The following HERC1 variants were observed in gnomAD, a reference collection of about 807,000 sequenced individuals.
The protein encoded by HERC1 is HECT and RLD domain containing E3 ubiquitin protein ligase family member 1.
HERC1 carries 160 observed loss-of-function variants against 554.3 expected under a neutral mutation model. The observed-to-expected ratio is 0.29, with a 90% confidence interval of 0.25 to 0.33. The LOEUF is 0.33. Among genes scored for constraint, HERC1 ranks in the 10% least tolerant of loss-of-function variants. The pLI is 1.00. For synonymous variants in HERC1, 2,175 were observed against 2,131.7 expected, an observed-to-expected ratio of 1.02 and a Z score of -0.56; for missense variants, 4,919 against 5,918.5, an observed-to-expected ratio of 0.83 and a Z score of 5.54.
At chr15:63,648,968 G>T (rs567924281) in intron 54 of HERC1, among the ~76,000 whole-genome samples, 23 of 152,320 alleles carry the variant, frequency 1.5e-4, no homozygotes, top group South Asian at 1.2e-3. Context: ...ACCACAGTAA[G>T]AAGAAAGCAG....
At chr15:63,687,969 G>T (rs1362686008) in intron 33 of HERC1, among the ~76,000 whole-genome samples, 1 of 152,202 alleles carries the variant, frequency 6.6e-6, no homozygotes, top group African/African-American at 2.4e-5. Context: ...GAAAGGTCAA[G>T]GAACTCTAGA....
chr15:63,674,942 T>C lies in HERC1; in HGVS notation c.7246A>G (p.Lys2416Glu). 4.3e-6 allele frequency: 7 copies of C among 1,614,020 alleles called. No individual in the cohort carries two copies. The highest frequency in any genetic ancestry group is 5.1e-6 in the Non-Finnish European group (6 of 1,179,890). ...MGKQSTKRHE[K>E]KHRHESEEKG... ...TCCTCGGATTCATGTCGGTGTTTCT[T>C]TTCATGTCGTTTGGTGCTCTGTTTG... The change falls in exon 38 of 78, where the codon AAG (lysine) becomes GAG (glutamate). Residue 2416 changes from lysine (K) to glutamate (E), a missense_variant. Coordinates refer to ENST00000443617, the MANE Select transcript of HERC1 (RefSeq NM_003922.4).
At position 63,749,875 on chromosome 15, in the gene HERC1, T is replaced by C; in HGVS notation, c.1903-84A>G. The C allele has an allele frequency of 8.8e-7, 1 of 1,135,832 alleles. No individual in the cohort carries two copies. Among genetic ancestry groups the C allele is most frequent in the Non-Finnish European group, 1.2e-6 (1 of 828,516 alleles). 70.4% of individuals were successfully genotyped at this position (1,135,832 alleles called of 1,614,324 possible). On this transcript the variant is annotated intron_variant, in intron 8 of 77. Coordinates refer to ENST00000443617, the MANE Select transcript of HERC1 (RefSeq NM_003922.4). This position sits in a 1 kb window ranked among gnomAD's most constrained non-coding sequence, Gnocchi z 4.1. ...TAGGGATAAATGAAATCTATGAAAC[T>C]AAAGTGTGGTTTGATAGTAAATAAC...
chr15:63,819,391 T>C (rs1191836774), intron 1 of HERC1, among the ~76,000 whole-genome samples: 1 of 152,222 alleles, frequency 6.6e-6, no homozygotes, highest in Non-Finnish European at 1.5e-5. Flanking sequence ...AAGTATTTTA[T>C]AAACTAAAAA....
intron 2 of HERC1, among the ~76,000 whole-genome samples, chr15:63,769,834 C>T (rs1487819888): frequency 6.6e-6 from 1 of 152,128 alleles, no homozygotes; most frequent in African/African-American, 2.4e-5. Context: ...CCAGCCTGGG[C>T]ATCAGAGCAA....
intron 23 of HERC1, among the ~76,000 whole-genome samples, 179 bp downstream of exon 23, chr15:63,713,174 C>A (rs952718129): frequency 6.6e-6 from 1 of 152,222 alleles, no homozygotes; most frequent in Non-Finnish European, 1.5e-5. Flanking sequence ...AATTTATAGC[C>A]CATGCTGAAT....
Position 63,643,123 on chromosome 15 carries a change from C to A in HERC1, c.11332-65G>T. On this transcript the variant is annotated intron_variant, in intron 58 of 77. Transcript: ENST00000443617. ...GTAGGTATAATTTACATTTAAATTT[C>A]TATTTCACATTGACAAAAACATATT... 2.7e-6 allele frequency: 3 copies of A among 1,113,830 alleles called. No homozygotes were observed. In the South Asian group the frequency reaches 4.0e-5, roughly 15 times the overall value. 69.0% of individuals were successfully genotyped at this position (1,113,830 alleles called of 1,614,324 possible). A position where few individuals can be genotyped will look rare whatever the true frequency, so the allele number is the denominator to read the frequency against.
In HERC1 at chr15:63,645,535, C is replaced by T; in HGVS notation, c.11026G>A (p.Ala3676Thr). The change falls in exon 56 of 78, where the codon GCT becomes ACT. Residue 3676 changes from alanine (A) to threonine (T), a missense_variant. Coordinates refer to ENST00000443617, the MANE Select transcript of HERC1 (RefSeq NM_003922.4). ...LCHPSIVNGI[A>T]WCRLPGKGSK... ...CCTTTCCCTGGAAGGCGGCACCAAG[C>T]AATGCCATTTACAATAGATGGATGG... 1 of 1,612,752 alleles carries T rather than the reference C, an allele frequency of 6.2e-7. No individual in the cohort carries two copies. The highest frequency in any genetic ancestry group is 8.5e-7 in the Non-Finnish European group (1 of 1,179,444).
At chr15:63,642,782 T>C (rs2069136068) in intron 59 of HERC1, among the ~76,000 whole-genome samples, 175 bp downstream of exon 59, 1 of 152,162 alleles carries the variant, frequency 6.6e-6, no homozygotes, top group Non-Finnish European at 1.5e-5. Context: ...AGACTATAAA[T>C]CAGGAGACTT....
chr15:63,611,485 G>C (rs1394513932), intron 77 of HERC1, among the ~76,000 whole-genome samples: 2 of 152,242 alleles, frequency 1.3e-5, no homozygotes, highest in African/African-American at 4.8e-5. Flanking sequence ...AGATGGCAGA[G>C]ATGCAGCCCT....
chr15:63,807,736 AG>A (rs1415748515), intron 1 of HERC1, among the ~76,000 whole-genome samples: 5 of 152,170 alleles, frequency 3.3e-5, no homozygotes, highest in African/African-American at 1.2e-4. Context: ...CTAGTCAGGT[AG>A]GAATTCCTAC....
chr15:63,655,820 G>A lies in HERC1; in HGVS notation c.10006C>T (p.Gln3336Ter). Residue 3336 changes from glutamine (Q) to a stop codon, truncating the protein, a stop_gained, in exon 50 of 78, where the codon CAG becomes TAG. Transcript: ENST00000443617. LOFTEE classifies it high-confidence loss of function. ...LVTSPNFVVT[Q>*]ALVALLADKG... ...TCTGCTAGCAATGCCACAAGGGCCT[G>A]TGTTACAACAAAGTTTGGGGAGGTC... 1 of 1,596,576 alleles carries A rather than the reference G, an allele frequency of 6.3e-7. No individual in the cohort carries two copies. Among genetic ancestry groups the A allele is most frequent in the Non-Finnish European group, 8.5e-7 (1 of 1,170,722 alleles).
At chr15:63,744,164 G>GTGTGTGTGTCTCTCTCTCTCTC in intron 12 of HERC1, among the ~76,000 whole-genome samples, 11 of 46,310 alleles carry the variant, frequency 2.4e-4, no homozygotes, top group East Asian at 2.0e-3. Context: ...GTGTGTGTGT[G>GTGTGTGTGTCTCTCTCTCTCTC]TCTCTCTCTC....
intron 54 of HERC1, among the ~76,000 whole-genome samples, chr15:63,648,691 G>GA (rs2069485902): frequency 6.6e-6 from 1 of 152,158 alleles, no homozygotes; most frequent in Non-Finnish European, 1.5e-5. Context: ...ATGTAACACT[G>GA]AAAGACTACA....
At chr15:63,628,211 C>A (rs1022773509) in intron 70 of HERC1, among the ~76,000 whole-genome samples, 1 of 151,916 alleles carries the variant, frequency 6.6e-6, no homozygotes, top group African/African-American at 2.4e-5. Context: ...GCCAACATGG[C>A]GAAACCCCGT....
chr15:63,623,681 C>T, intron 73 of HERC1, 44 bp downstream of exon 73: 1 of 1,589,852 alleles, frequency 6.3e-7, no homozygotes, highest in Non-Finnish European at 8.6e-7. Flanking sequence ...AAAATGGCCA[C>T]TAGCAGACTA....
At chr15:63,800,099 C>T (rs1252428459) in intron 1 of HERC1, among the ~76,000 whole-genome samples, 3 of 152,130 alleles carry the variant, frequency 2.0e-5, no homozygotes, top group Non-Finnish European at 2.9e-5. Context: ...CATGCCACTG[C>T]ACTTCAGCCT....
chr15:63,768,183 G>T (rs562829235), intron 2 of HERC1, among the ~76,000 whole-genome samples: 1 of 152,302 alleles, frequency 6.6e-6, no homozygotes, highest in African/African-American at 2.4e-5. Context: ...TGGGTCATCT[G>T]CTATTAACCT....
intron 1 of HERC1, among the ~76,000 whole-genome samples, chr15:63,791,372 C>T (rs188273151): frequency 6.6e-6 from 1 of 152,240 alleles, no homozygotes; most frequent in Admixed American, 6.5e-5. Flanking sequence ...TGTACGTATA[C>T]ATATATTACA....
Sources: allele counts gnomAD v4.1 joint callset (sites outside exome capture counted in the v4.1 genomes callset), GRCh38; gene constraint gnomAD v4.1.1; non-coding constraint Gnocchi (gnomAD v3.1); transcripts MANE v1.5; gene names NCBI Gene and HGNC (gene_info 2026-07-23, HGNC 2026-07-21).